The following IRX1 variants were observed in gnomAD, a reference collection of about 807,000 sequenced individuals.
IRX1 encodes the protein iroquois homeobox 1.
Under a neutral mutation model 34.1 loss-of-function variants are expected in IRX1, and 22 were observed. The ratio of observed to expected loss-of-function variants is 0.64; its 90% confidence interval spans 0.46 to 0.92. The LOEUF is 0.92. Ranked by LOEUF, IRX1 falls within the 40% of genes least tolerant of loss-of-function variation. The pLI is 0.00. For missense variants in IRX1, 758 were observed against 680.0 expected, an observed-to-expected ratio of 1.11 and a Z score of -1.28; for synonymous variants, 363 against 319.0, an observed-to-expected ratio of 1.14 and a Z score of -1.47.
rs762656812 is a variant in IRX1 at position 3,599,589 on chromosome 5, C to G, written c.641C>G (p.Pro214Arg). ...ALFGSDTEGD[P>R]EKAEDDEEID... ...TTCGGCAGCGACACCGAGGGCGACC[C>G]GGAGAAGGCCGAGGACGACGAGGAG... Residue 214 changes from proline (P) to arginine (R), a missense_variant, in exon 2 of 4, where the codon CCG becomes CGG. Transcript: ENST00000302006. The surrounding 1 kb of genome is among the most constrained non-coding windows in gnomAD (Gnocchi z 6.6). 6.2e-7 allele frequency: 1 copy of G among 1,613,922 alleles called. No homozygotes were observed. The highest frequency in any genetic ancestry group is 1.3e-5 in the African/African-American group (1 of 74,912).
At chr5:3,597,762 C>G (rs527824973) in intron 1 of IRX1, among the ~76,000 whole-genome samples, 11 of 152,332 alleles carry the variant, frequency 7.2e-5, no homozygotes, top group African/African-American at 2.6e-4. Context: ...TCTCTGCGGC[C>G]TCAGTCACCA....
intron 1 of IRX1, among the ~76,000 whole-genome samples, chr5:3,598,869 CA>C (rs1190521048): frequency 1.3e-5 from 2 of 152,116 alleles, no homozygotes; most frequent in East Asian, 1.9e-4. Context: ...GTGGTGGGGA[CA>C]GGGGTCGCCT....
At chr5:3,600,549 G>T in intron 2 of IRX1, 60 bp from the exon 3 acceptor site, 1 of 1,462,830 alleles carries the variant, frequency 6.8e-7, no homozygotes, top group Non-Finnish European at 9.6e-7. Flanking sequence ...TGGGAAGGAG[G>T]CCTGGGACCT....
chr5:3,596,890 C>T (rs1743710200), intron 1 of IRX1, among the ~76,000 whole-genome samples: 1 of 152,106 alleles, frequency 6.6e-6, no homozygotes, highest in African/African-American at 2.4e-5. Context: ...TCCGAGTTTG[C>T]CAGACAGACC....
Position 3,600,257 on chromosome 5 carries a change from C to T in IRX1, c.1309C>T (p.Pro437Ser). ...KASVRSSPTL[P>S]ERDLVPRPDS... is the part of the protein sequence containing the mutation. ...CTCGGTCCGCAGCAGCCCCACGCTC[C>T]CAGGTACAGCTCCAGGCCGCGTCCA... The change falls in exon 2 of 4, where the codon CCA becomes TCA. Residue 437 changes from proline to serine, a missense_variant. Transcript: ENST00000302006. 6.3e-7 allele frequency: 1 copy of T among 1,585,366 alleles called. No individual in the cohort carries two copies. The highest frequency in any genetic ancestry group is 8.6e-7 in the Non-Finnish European group (1 of 1,169,330).
In IRX1 at chr5:3,599,785, C is replaced by T. The variant is rs1454916726; in HGVS notation, c.837C>T (p.Asp279=). ...CAGCCGACGTTCTCAAGCCCCAGGA[C>T]TCGCCCTTGGGCCTGGCAAAGGAGG... ...LAAADVLKPQ[D]SPLGLAKEAP... Residue 279 remains aspartate, a synonymous_variant, in exon 2 of 4, where the codon GAC becomes GAT. Coordinates refer to ENST00000302006, the MANE Select transcript of IRX1 (RefSeq NM_024337.4). This position sits in a 1 kb window ranked among gnomAD's most constrained non-coding sequence, Gnocchi z 6.6. The T allele has an allele frequency of 6.2e-7, 1 of 1,604,096 alleles. No individual in the cohort carries two copies.
Position 3,595,866 on chromosome 5 carries a change from C to T in IRX1, c.-240C>T, listed in dbSNP as rs1743676086. ...AGCCCCGCCGCCGAGCGGAGGGCGG[C>T]CGCCGCAGTCGGCGCGCGATTGCGG... is the stretch of plus-strand genomic sequence containing the variant. On this transcript the variant is annotated 5_prime_UTR_variant, in exon 1 of 4. Transcript: ENST00000302006. 6.6e-6 allele frequency among the ~76,000 whole-genome samples: 1 copy of T among 151,022 alleles called. No individual in the cohort carries two copies. Among genetic ancestry groups the T allele is most frequent in the Non-Finnish European group, 1.5e-5 (1 of 67,616 alleles).
rs1426197265 is a variant in IRX1 at position 3,596,292 on chromosome 5, A to G, written c.187A>G (p.Met63Val). The G allele has an allele frequency of 4.9e-6, 7 of 1,425,086 alleles. No individual in the cohort carries two copies. The highest frequency in any genetic ancestry group is 6.4e-6 in the Non-Finnish European group (7 of 1,090,652). 88.3% of individuals were successfully genotyped at this position (1,425,086 alleles called of 1,614,324 possible). A position where few individuals can be genotyped will look rare whatever the true frequency, so the allele number is the denominator to read the frequency against. Residue 63 changes from methionine to valine, a missense_variant, in exon 1 of 4, where the codon ATG (methionine) becomes GTG (valine). By Grantham distance (21) the Met-to-Val change is conservative. Around this residue, in one of 3 missense-constraint regions of IRX1, gnomAD observed 195 missense variants for 195.0 expected, o/e 1.00. Coordinates refer to ENST00000302006, the MANE Select transcript of IRX1 (RefSeq NM_024337.4). ...GGCTGCAGTCACCTCGGTGCTGGGC[A>G]TGTACGCGGCGGCGGGGCCGTACGC... ...GAAAVTSVLG[M>V]YAAAGPYAGA...
At position 3,601,350 on chromosome 5, in the gene IRX1, C is replaced by T; in HGVS notation, c.*310C>T. ...TGGTTTCAGATTGTAAATAGCGCGT[C>T]AGCGAACTTGTCTAAATCATATATT... On this transcript the variant is annotated 3_prime_UTR_variant, in exon 4 of 4. Transcript: ENST00000302006. The T allele has an allele frequency of 2.3e-6, 1 of 427,110 alleles. No homozygotes were observed. The highest frequency in any genetic ancestry group is 4.3e-6 in the Non-Finnish European group (1 of 234,372). The allele number at this position is 427,110 out of a possible 1,614,324, so 26.5% of individuals were successfully genotyped here.
At position 3,599,087 on chromosome 5, in the gene IRX1, G is replaced by A. The variant is rs890924119; in HGVS notation, c.277-138G>A. 3.5e-6 allele frequency: 3 copies of A among 853,662 alleles called. No individual in the cohort carries two copies. The highest frequency in any genetic ancestry group is 3.3e-4 in the Middle Eastern group (1 of 3,062). 52.9% of individuals were successfully genotyped at this position (853,662 alleles called of 1,614,324 possible). A position where few individuals can be genotyped will look rare whatever the true frequency, so the allele number is the denominator to read the frequency against. On this transcript the variant is annotated intron_variant, in intron 1 of 3. Coordinates refer to ENST00000302006, the MANE Select transcript of IRX1 (RefSeq NM_024337.4). The surrounding 1 kb of genome is among the most constrained non-coding windows in gnomAD (Gnocchi z 6.6). The stretch of plus-strand genomic sequence containing the variant: ...CCAGCACAGGAGAGCCCCGCAAAGC[G>A]CCTGGGAGGCCCTCGAGTCCATTGA...
In IRX1 at chr5:3,599,926, C is replaced by T; in HGVS notation, c.978C>T (p.Pro326=). The T allele has an allele frequency of 6.7e-7, 1 of 1,487,198 alleles. No homozygotes were observed. Among genetic ancestry groups the T allele is most frequent in the Non-Finnish European group, 9.0e-7 (1 of 1,116,818 alleles). The allele number at this position is 1,487,198 out of a possible 1,614,324, so 92.1% of individuals were successfully genotyped here. A position where few individuals can be genotyped will look rare whatever the true frequency, so the allele number is the denominator to read the frequency against. The part of the protein sequence containing the change: ...IWSLAETATS[P]DGAPKASPPP... ...CGCTGGCGGAGACAGCCACGAGCCC[C>T]GACGGTGCGCCCAAGGCTTCGCCAC... Residue 326 remains proline, a synonymous_variant, in exon 2 of 4, where the codon CCC becomes CCT. Transcript: ENST00000302006. This position sits in a 1 kb window ranked among gnomAD's most constrained non-coding sequence, Gnocchi z 6.6.
At chr5:3,596,502 TCCGGGGGCAGGTTCCCGGTGGCCGAGGC>T (rs1014555563) in intron 1 of IRX1, 121 bp downstream of exon 1, 33 of 1,049,314 alleles carry the variant, frequency 3.1e-5, no homozygotes, top group Non-Finnish European at 3.9e-5. Context: ...ACTAGAAAGG[TCCGGGGGCAGGTTCCCGGTGGCCGAGGC>T]CGCGGCCCCC....
intron 1 of IRX1, among the ~76,000 whole-genome samples, chr5:3,597,618 T>A (rs1337693811): frequency 6.6e-6 from 1 of 152,234 alleles, no homozygotes; most frequent in Non-Finnish European, 1.5e-5. Context: ...TTACAAGGTG[T>A]CCTTTCAAAA....
Position 3,601,013 on chromosome 5 carries a change from G to A in IRX1, c.1416G>A (p.Arg472=). 6.3e-7 allele frequency: 1 copy of A among 1,591,444 alleles called. No individual in the cohort carries two copies. Among genetic ancestry groups the A allele is most frequent in the Non-Finnish European group, 8.6e-7 (1 of 1,166,644 alleles). The change falls in exon 4 of 4, where the codon CGG becomes CGA. Residue 472 remains arginine (R), a synonymous_variant. Coordinates refer to ENST00000302006, the MANE Select transcript of IRX1 (RefSeq NM_024337.4). The part of the protein sequence containing the change: ...NSLAPQEGTP[R]ILAALPSA Reference sequence around the variant, plus strand: ...TGGCCCCGCAGGAGGGAACGCCGCGGATCCTAGCAGCCCTCCCGTCCGCCT... The same window carrying A: ...TGGCCCCGCAGGAGGGAACGCCGCGAATCCTAGCAGCCCTCCCGTCCGCCT...
intron 1 of IRX1, 138 bp downstream of exon 1, chr5:3,596,519 G>T: frequency 1.1e-6 from 1 of 895,506 alleles, no homozygotes; most frequent in South Asian, 3.8e-5. Flanking sequence ...GCAGGTTCCC[G>T]GTGGCCGAGG....
rs767522817 is a variant in IRX1, at chr5:3,596,306, G to T, written c.201G>T (p.Ala67=). ...CGGTGCTGGGCATGTACGCGGCGGC[G>T]GGGCCGTACGCGGGCGCGCCCAACT... ...VTSVLGMYAA[A]GPYAGAPNYS... is the part of the protein sequence containing the mutation. The change falls in exon 1 of 4, where the codon GCG becomes GCT. Residue 67 remains alanine (A), a synonymous_variant. Transcript: ENST00000302006. 1.4e-6 allele frequency: 2 copies of T among 1,466,852 alleles called. No individual in the cohort carries two copies. The highest frequency in any genetic ancestry group is 2.8e-5 in the South Asian group (2 of 71,794). 90.9% of individuals were successfully genotyped at this position (1,466,852 alleles called of 1,614,324 possible).
rs1733947309 is a variant in IRX1, at chr5:3,600,851, C to G, written c.1386-132C>G. 6 of 1,188,614 alleles carry G rather than the reference C, an allele frequency of 5.0e-6. 1 individual carries two copies. The South Asian group carries it at 7.5e-5, about 15-fold the overall frequency. The allele number at this position is 1,188,614 out of a possible 1,614,324, so 73.6% of individuals were successfully genotyped here. A position where few individuals can be genotyped will look rare whatever the true frequency, so the allele number is the denominator to read the frequency against. On this transcript the variant is annotated intron_variant, in intron 3 of 3. Transcript: ENST00000302006. ...GGGCGAGCCGAGGAGACTGGAGTTT[C>G]TCCCCAGCCGGGAGCCGCGCTGGCT... is the stretch of plus-strand genomic sequence containing the variant.
At chr5:3,596,816 A>G (rs1743709112) in intron 1 of IRX1, among the ~76,000 whole-genome samples, 1 of 152,036 alleles carries the variant, frequency 6.6e-6, no homozygotes, top group Admixed American at 6.5e-5. Context: ...CGGCCTCTTT[A>G]GTTTTCGAAC....
chr5:3,598,311 T>C (rs34456157), intron 1 of IRX1, among the ~76,000 whole-genome samples: 7,699 of 152,280 alleles, frequency 0.051, 304 homozygotes, highest in Non-Finnish European at 0.079. Context: ...TTACTACTGA[T>C]TATAAAAAGA....
Sources: gnomAD v4.1 joint callset for allele counts (sites outside exome capture counted in the v4.1 genomes callset) on GRCh38, gnomAD v4.1.1 for gene constraint, gnomAD v4.1.1 regional missense constraint, Gnocchi (gnomAD v3.1) non-coding constraint, MANE v1.5 for transcripts, NCBI Gene and HGNC (gene_info 2026-07-23, HGNC 2026-07-21) for gene names.